Variants in SPAG16 observed in about 807,000 individuals in gnomAD.
SPAG16 encodes the protein sperm-associated antigen 16 protein.
A neutral mutation model predicts 80.4 loss-of-function variants in SPAG16; 86 were observed. The observed-to-expected ratio is 1.07, with a 90% confidence interval of 0.90 to 1.28. The LOEUF is 1.28. Ranked by LOEUF, SPAG16 falls within the 50% of genes most tolerant of loss-of-function variation. The pLI, the probability that SPAG16 is intolerant of heterozygous loss-of-function variation, is 0.00. For missense variants in SPAG16, 870 were observed against 765.3 expected (o/e 1.14, Z -1.61); for synonymous variants, 294 against 265.9 (o/e 1.11, Z -1.03).
At chr2:213,369,815 C>T (rs933481306) in intron 8 of SPAG16, among the ~76,000 whole-genome samples, 2 of 152,054 alleles carry the variant, frequency 1.3e-5, no homozygotes, top group Non-Finnish European at 2.9e-5. Context: ...ACCCATATAC[C>T]ACCTGCCCCC....
intron 11 of SPAG16, among the ~76,000 whole-genome samples, chr2:213,885,746 C>T (rs552715839): frequency 6.6e-6 from 1 of 152,260 alleles, no homozygotes; most frequent in East Asian, 1.9e-4. Flanking sequence ...TTTCACAAAA[C>T]AATTCAGGTA....
At chr2:213,465,398 A>ACTGTAGAAC in intron 9 of SPAG16, among the ~76,000 whole-genome samples, 1 of 152,106 alleles carries the variant, frequency 6.6e-6, no homozygotes, top group Non-Finnish European at 1.5e-5. Flanking sequence ...CTACAAAAGA[A>ACTGTAGAAC]ATTCTGTCTG....
chr2:214,110,090 A>G (rs2125410785), intron 14 of SPAG16, among the ~76,000 whole-genome samples: 1 of 152,322 alleles, frequency 6.6e-6, no homozygotes, highest in Non-Finnish European at 1.5e-5. Flanking sequence ...CCATATTTCA[A>G]AGGGCAAGAT....
At chr2:213,899,821 GT>G (rs984060464) in intron 11 of SPAG16, among the ~76,000 whole-genome samples, 3 of 151,906 alleles carry the variant, frequency 2.0e-5, no homozygotes, top group African/African-American at 4.8e-5. Context: ...CAATAAAGAG[GT>G]TTTTTTCTAT....
intron 15 of SPAG16, among the ~76,000 whole-genome samples, chr2:214,178,870 A>T (rs895714490): frequency 6.6e-6 from 1 of 151,460 alleles, no homozygotes; most frequent in African/African-American, 2.4e-5. Context: ...TATAGTATGC[A>T]TGCAAATAAT....
At chr2:213,759,756 G>C (rs550232560) in intron 10 of SPAG16, among the ~76,000 whole-genome samples, 2 of 152,132 alleles carry the variant, frequency 1.3e-5, no homozygotes, top group African/African-American at 4.8e-5. Flanking sequence ...TCAAATAGTG[G>C]CTGGGCGCAG....
At chr2:214,216,631 T>C (rs2125763972) in intron 15 of SPAG16, among the ~76,000 whole-genome samples, 1 of 152,354 alleles carries the variant, frequency 6.6e-6, no homozygotes, top group East Asian at 1.9e-4. Flanking sequence ...GTGCTGTGAT[T>C]CTTAAAATGA....
intron 9 of SPAG16, among the ~76,000 whole-genome samples, chr2:213,488,496 G>A (rs2074090469): frequency 6.6e-6 from 1 of 152,052 alleles, no homozygotes; most frequent in Non-Finnish European, 1.5e-5. Flanking sequence ...CCATAAGAGA[G>A]ACAAAAATCA....
At chr2:213,951,861 G>C (rs67115144) in intron 12 of SPAG16, among the ~76,000 whole-genome samples, 1 of 151,878 alleles carries the variant, frequency 6.6e-6, no homozygotes, top group Non-Finnish European at 1.5e-5. Context: ...TTTGAGATTC[G>C]CTAAAACCAA....
intron 11 of SPAG16, among the ~76,000 whole-genome samples, chr2:213,894,639 T>A (rs966650603): frequency 7.2e-5 from 11 of 152,016 alleles, no homozygotes; most frequent in Non-Finnish European, 1.5e-4. Context: ...GTATCCAAAT[T>A]GGAATGGAAT....
intron 10 of SPAG16, among the ~76,000 whole-genome samples, chr2:213,638,986 T>G (rs548608552): frequency 6.6e-6 from 1 of 152,320 alleles, no homozygotes; most frequent in South Asian, 2.1e-4. Context: ...TCTTTATCAT[T>G]TTTATATAAT....
chr2:213,842,530 G>C (rs1466446008), intron 10 of SPAG16, among the ~76,000 whole-genome samples: 1 of 151,956 alleles, frequency 6.6e-6, no homozygotes, highest in Non-Finnish European at 1.5e-5. Context: ...TAAAAAAATA[G>C]GAAATGATTA....
chr2:213,669,325 A>G (rs1187505972), intron 10 of SPAG16, among the ~76,000 whole-genome samples: 1 of 152,200 alleles, frequency 6.6e-6, no homozygotes, highest in Non-Finnish European at 1.5e-5. Context: ...TAGAAGAGTA[A>G]ACATTCTGCT....
chr2:213,692,285 T>A (rs1028508979), intron 10 of SPAG16, among the ~76,000 whole-genome samples: 5 of 152,212 alleles, frequency 3.3e-5, no homozygotes, highest in Admixed American at 1.3e-4. Context: ...TTTGTTACAG[T>A]ACCTTTTTTA....
rs568046072 is a variant in SPAG16, at chr2:213,503,007, T to G, written c.1070+12917T>G. 3.3e-5 allele frequency among the ~76,000 whole-genome samples: 5 copies of G among 152,362 alleles called. No individual in the cohort carries two copies. The East Asian group carries it at 9.6e-4, about 29-fold the overall frequency. On this transcript the variant is annotated intron_variant, in intron 10 of 15. Coordinates refer to ENST00000331683, the MANE Select transcript of SPAG16 (RefSeq NM_024532.5). Reference sequence around the variant, plus strand: ...TATAGGTGAGTTTTAAAGACTCTTCTTAATAAGTATGAGTTAGCCAGTTTC... The same window carrying G: ...TATAGGTGAGTTTTAAAGACTCTTCGTAATAAGTATGAGTTAGCCAGTTTC...
intron 3 of SPAG16, among the ~76,000 whole-genome samples, chr2:213,298,607 CTG>C (rs2062602650): frequency 3.3e-5 from 5 of 152,166 alleles, no homozygotes; most frequent in African/African-American, 7.2e-5. Context: ...CTGAACAAAA[CTG>C]TAATTGCTTC....
chr2:213,687,778 C>G (rs1310827543), intron 10 of SPAG16, among the ~76,000 whole-genome samples: 1 of 152,146 alleles, frequency 6.6e-6, no homozygotes, highest in East Asian at 1.9e-4. Flanking sequence ...ATTCTCGGAA[C>G]TGAGAGTATA....
intron 9 of SPAG16, among the ~76,000 whole-genome samples, chr2:213,380,199 T>A (rs1177887889): frequency 1.3e-5 from 2 of 152,214 alleles, no homozygotes; most frequent in Non-Finnish European, 2.9e-5. Flanking sequence ...GCACAACCAG[T>A]TGCACTGCTC....
At chr2:214,218,116 T>C (rs1051622951) in intron 15 of SPAG16, among the ~76,000 whole-genome samples, 1 of 152,224 alleles carries the variant, frequency 6.6e-6, no homozygotes, top group African/African-American at 2.4e-5. Context: ...ATAGCATTGT[T>C]TTACATTTTT....
Sources: allele counts gnomAD v4.1 joint callset (sites outside exome capture counted in the v4.1 genomes callset), GRCh38; gene constraint gnomAD v4.1.1; transcripts MANE v1.5; gene names NCBI Gene and HGNC (gene_info 2026-07-23, HGNC 2026-07-21).